The following EFCAB3 variants were observed in gnomAD, a reference collection of about 807,000 sequenced individuals.
The protein encoded by EFCAB3 is EF-hand calcium-binding domain-containing protein 3.
EFCAB3 carries 36 observed loss-of-function variants against 42.2 expected under a neutral mutation model. The ratio of observed to expected loss-of-function variants is 0.85; its 90% CI spans 0.65 to 1.13. The LOEUF is 1.13. Among genes scored for constraint, EFCAB3 ranks in the 50% most tolerant of loss-of-function variants. The probability of loss-of-function intolerance (pLI) is 0.00; values close to 1 mark genes in which losing one functional copy is unlikely to be tolerated. For missense variants in EFCAB3, 418 were observed against 505.1 expected (o/e 0.83, Z 1.65); for synonymous variants, 170 against 172.8 (o/e 0.98, Z 0.13).
intron 6 of EFCAB3, chr17:62,398,025 C>CAAAAAAAA (rs34957895): frequency 3.2e-5 from 3 of 93,704 alleles, no homozygotes; most frequent in Non-Finnish European, 5.2e-5. Flanking sequence ...GACTCCATCT[C>CAAAAAAAA]AAAAAAAAAA....
chr17:62,376,215 G>C (rs760364922), upstream of EFCAB3, among the ~76,000 whole-genome samples: 1 of 152,182 alleles, frequency 6.6e-6, no homozygotes, highest in African/African-American at 2.4e-5. Context: ...GCTCACGCCT[G>C]TAATCTCAGC....
In EFCAB3 at chr17:62,388,373, CAG is replaced by C. The variant is rs2144072280; in HGVS notation, c.151+958_151+959del. 1.3e-5 allele frequency among the ~76,000 whole-genome samples: 2 copies of C among 152,214 alleles called. 1 individual carries two copies. Among genetic ancestry groups the C allele is most frequent in the Non-Finnish European group, 2.9e-5 (2 of 68,016 alleles). ...GTCCCAGAGAAGGCTGAATGACGAA[CAG>C]GAGTAAATCAGGCAAATAGCGCTGA... On this transcript the variant is annotated intron_variant, in intron 3 of 9. Coordinates refer to ENST00000305286, the MANE Select transcript of EFCAB3 (RefSeq NM_173503.4).
chr17:62,380,601 G>C lies in EFCAB3; in HGVS notation c.-30G>C. On this transcript the variant is annotated 5_prime_UTR_variant, in exon 1 of 10. Transcript: ENST00000305286. ...GAAGCCCAGAAGTGGTAGGTAGCAC[G>C]GCTTAAAAGTAGGTAAATATCGTGA... is the stretch of plus-strand genomic sequence containing the variant. The C allele has an allele frequency of 1.0e-6, 1 of 985,288 alleles. No homozygotes were observed. Among genetic ancestry groups the C allele is most frequent in the Non-Finnish European group, 1.2e-6 (1 of 829,876 alleles). 61.0% of individuals were successfully genotyped at this position (985,288 alleles called of 1,614,324 possible).
chr17:62,371,999 C>T (rs2070117904), intron 1 of EFCAB3, among the ~76,000 whole-genome samples: 1 of 152,102 alleles, frequency 6.6e-6, no homozygotes, highest in African/African-American at 2.4e-5. Context: ...ATTCAAGCAA[C>T]AAATATTTAT....
At chr17:62,389,241 T>C (rs1046579141) in intron 3 of EFCAB3, among the ~76,000 whole-genome samples, 2 of 152,216 alleles carry the variant, frequency 1.3e-5, no homozygotes, top group Admixed American at 6.5e-5. Flanking sequence ...CTGGGATGAC[T>C]AGGGCAGGGA....
chr17:62,409,518 C>T lies in EFCAB3; in HGVS notation c.867+2306C>T, dbSNP rs1360120556. ...CCTGTGAATGCACTGCACTCTAGCC[C>T]GGGCAACATAGTGAGGCTCCATCTC... On this transcript the variant is annotated intron_variant, in intron 8 of 9. Coordinates refer to ENST00000305286, the MANE Select transcript of EFCAB3 (RefSeq NM_173503.4). Among the ~76,000 whole-genome samples, 5 of 151,446 alleles carry T rather than the reference C, an allele frequency of 3.3e-5. No individual in the cohort carries two copies. The East Asian group carries it at 5.8e-4, about 18-fold the overall frequency.
At chr17:62,402,104 GT>G (rs1462303841) in intron 6 of EFCAB3, among the ~76,000 whole-genome samples, 1 of 152,172 alleles carries the variant, frequency 6.6e-6, no homozygotes, top group African/African-American at 2.4e-5. Context: ...TGTTATCGGT[GT>G]ATAGGAATGC....
Position 62,406,600 on chromosome 17 carries a change from T to A in EFCAB3, c.609T>A (p.Ala203=), listed in dbSNP as rs1398232541. The A allele has an allele frequency of 6.2e-7, 1 of 1,614,104 alleles. No individual in the cohort carries two copies. Among genetic ancestry groups the A allele is most frequent in the South Asian group, 1.1e-5 (1 of 91,078 alleles). ...GCACACCTCCAAGCTCAAGCATGGC[T>A]GCCTTTGCTAATGCTGCCCGGATTG... ...DICTPPSSSM[A]AFANAARIAI... is the part of the protein sequence containing the mutation. The change falls in exon 7 of 10, where the codon GCT becomes GCA. Residue 203 remains alanine (A), a synonymous_variant. Coordinates refer to ENST00000305286, the MANE Select transcript of EFCAB3 (RefSeq NM_173503.4).
intron 6 of EFCAB3, chr17:62,397,948 C>G (rs2070365451): frequency 9.4e-6 from 2 of 212,434 alleles, no homozygotes; most frequent in Admixed American, 1.3e-4. Context: ...TCGCTTGAAC[C>G]TGGGAGGCAG....
upstream of EFCAB3, among the ~76,000 whole-genome samples, chr17:62,376,723 A>G (rs1281275992): frequency 6.6e-6 from 1 of 152,210 alleles, no homozygotes; most frequent in Non-Finnish European, 1.5e-5. Context: ...TAACGTGGAA[A>G]TAACATTCAT....
At chr17:62,373,799 CA>C in intron 1 of EFCAB3, 1 of 1,492,482 alleles carries the variant, frequency 6.7e-7, no homozygotes, top group Non-Finnish European at 9.1e-7. Context: ...GTATCTAAAC[CA>C]AAATGTTTTA....
At chr17:62,382,838 C>A in intron 1 of EFCAB3, 125 bp from the exon 2 acceptor site, 1 of 697,496 alleles carries the variant, frequency 1.4e-6, no homozygotes, top group South Asian at 2.2e-5. Flanking sequence ...CTTGAGTTTG[C>A]ATCTATTACC....
rs2070519997 is a variant in EFCAB3, at chr17:62,413,758, T to A, written c.894T>A (p.Pro298=). 3 of 1,613,020 alleles carry A rather than the reference T, an allele frequency of 1.9e-6. No individual in the cohort carries two copies. In the South Asian group the frequency reaches 3.3e-5, roughly 18 times the overall value. ...TQAANIKSMD[P]ASGYSNNIFT... is the part of the protein sequence containing the mutation. ...CAGCAAATATAAAGTCTATGGACCC[T>A]GCCTCAGGTTATTCAAATAACATCT... The change falls in exon 9 of 10, where the codon CCT becomes CCA. Residue 298 remains proline, a synonymous_variant. Coordinates refer to ENST00000305286, the MANE Select transcript of EFCAB3 (RefSeq NM_173503.4).
At chr17:62,389,784 G>A (rs957087721) in intron 3 of EFCAB3, among the ~76,000 whole-genome samples, 1 of 151,346 alleles carries the variant, frequency 6.6e-6, no homozygotes, top group Non-Finnish European at 1.5e-5. Flanking sequence ...AATCCACACT[G>A]ATAGAAATAA....
At chr17:62,397,565 GA>G in intron 6 of EFCAB3, 1 of 593,514 alleles carries the variant, frequency 1.7e-6, no homozygotes, top group Non-Finnish European at 3.3e-6. Context: ...AATTGTGCTG[GA>G]AAAAATAGGG....
intron 1 of EFCAB3, chr17:62,381,630 T>C (rs1001655570): frequency 7.0e-5 from 13 of 186,632 alleles, no homozygotes; most frequent in African/African-American, 2.6e-4. Context: ...ATCGCACGCA[T>C]GGAGGCCTTG....
chr17:62,381,556 A>T (rs1205410687), intron 1 of EFCAB3: 1 of 163,068 alleles, frequency 6.1e-6, no homozygotes, highest in African/African-American at 2.4e-5. Context: ...ACTGCATTGT[A>T]TCCCACCCCC....
intron 6 of EFCAB3, among the ~76,000 whole-genome samples, chr17:62,402,835 C>G (rs907212585): frequency 6.6e-6 from 1 of 152,108 alleles, no homozygotes; most frequent in African/African-American, 2.4e-5. Flanking sequence ...CCCTCTTTTT[C>G]TATTGATTGG....
rs927920303 is a variant in EFCAB3 at position 62,391,796 on chromosome 17, T to C, written c.152-26T>C. The C allele has an allele frequency of 1.9e-6, 3 of 1,611,264 alleles. No homozygotes were observed. The Admixed American group carries it at 5.0e-5, about 27-fold the overall frequency. ...TGTACTTCTTCTTGAACAACTGTCCTGAATAACTTAATCCTATCTCCCCAG... is the reference window on the plus strand; with the variant it reads ...TGTACTTCTTCTTGAACAACTGTCCCGAATAACTTAATCCTATCTCCCCAG... On this transcript the variant is annotated intron_variant, in intron 3 of 9. Coordinates refer to ENST00000305286, the MANE Select transcript of EFCAB3 (RefSeq NM_173503.4).
Sources: allele counts gnomAD v4.1 joint callset (sites outside exome capture counted in the v4.1 genomes callset), GRCh38; gene constraint gnomAD v4.1.1; transcripts MANE v1.5; gene names NCBI Gene and HGNC (gene_info 2026-07-23, HGNC 2026-07-21).